GRID1: variants seen among roughly 807,000 people sequenced by gnomAD.
GRID1 encodes glutamate receptor ionotropic, delta-1.
GRID1 carries 28 observed loss-of-function variants against 98.0 expected under a neutral mutation model. The observed-to-expected ratio is 0.29, with a 90% confidence interval of 0.21 to 0.39. GRID1 has a LOEUF of 0.39. GRID1 is among the 10% of genes least tolerant of loss of function. The pLI, the probability that GRID1 is intolerant of heterozygous loss-of-function variation, is 1.00. For synonymous variants in GRID1, 553 were observed against 538.5 expected (o/e 1.03, Z -0.37); for missense variants, 1,111 against 1,340.5 (o/e 0.83, Z 2.67).
intron 4 of GRID1, among the ~76,000 whole-genome samples, chr10:86,077,287 C>T (rs1843896453): frequency 6.6e-6 from 1 of 152,162 alleles, no homozygotes; most frequent in East Asian, 1.9e-4. Context: ...CTCCAAATCA[C>T]CTACAGAATA....
chr10:85,844,287 G>C (rs1842986338), intron 8 of GRID1, among the ~76,000 whole-genome samples: 1 of 151,982 alleles, frequency 6.6e-6, no homozygotes, highest in Non-Finnish European at 1.5e-5. Context: ...AGGGCAGGGA[G>C]GTATGAGTTA....
chr10:86,209,824 G>A (rs977738449), intron 2 of GRID1, among the ~76,000 whole-genome samples: 1 of 152,142 alleles, frequency 6.6e-6, no homozygotes, highest in Admixed American at 6.5e-5. Context: ...CCACCTGCCT[G>A]GCTCCCTCCC....
intron 3 of GRID1, among the ~76,000 whole-genome samples, chr10:86,174,706 C>G (rs905618909): frequency 6.7e-6 from 1 of 149,704 alleles, no homozygotes; most frequent in African/African-American, 2.5e-5. Context: ...GAACAGGCAA[C>G]CTACAGAATG....
chr10:85,664,782 T>C (rs1841001739), intron 12 of GRID1, among the ~76,000 whole-genome samples: 1 of 152,078 alleles, frequency 6.6e-6, no homozygotes, highest in African/African-American at 2.4e-5. Context: ...TTTTATTGAG[T>C]GATGTATGTT....
At chr10:85,647,781 T>G (rs1313324945) in intron 12 of GRID1, 1 of 166,926 alleles carries the variant, frequency 6.0e-6, no homozygotes. Context: ...CATGGGAGGC[T>G]GTATGCTGCG....
intron 5 of GRID1, among the ~76,000 whole-genome samples, chr10:85,909,797 C>T (rs1041627906): frequency 1.1e-4 from 16 of 152,106 alleles, no homozygotes; most frequent in Non-Finnish European, 2.9e-5. Context: ...CATGAGGGCA[C>T]TTTTGGGGTG....
At chr10:86,009,224 G>GT (rs1177919262) in intron 4 of GRID1, among the ~76,000 whole-genome samples, 8 of 152,128 alleles carry the variant, frequency 5.3e-5, no homozygotes, top group Non-Finnish European at 8.8e-5. Context: ...TGCAAGAAGC[G>GT]TAAGTGTTTG....
intron 2 of GRID1, among the ~76,000 whole-genome samples, chr10:86,290,538 A>G (rs1847497378): frequency 6.6e-6 from 1 of 152,064 alleles, no homozygotes; most frequent in Non-Finnish European, 1.5e-5. Flanking sequence ...CTATATTCCC[A>G]CCTACTCAGG....
chr10:85,912,489 C>T (rs996503077), intron 5 of GRID1, among the ~76,000 whole-genome samples: 2 of 151,170 alleles, frequency 1.3e-5, no homozygotes, highest in Middle Eastern at 3.4e-3. Flanking sequence ...CAAATAAAAA[C>T]GTGTGCCCTC....
chr10:86,314,097 A>G (rs1309607263), intron 2 of GRID1, among the ~76,000 whole-genome samples: 1 of 152,166 alleles, frequency 6.6e-6, no homozygotes, highest in Non-Finnish European at 1.5e-5. Flanking sequence ...TTTCTTTGTT[A>G]AGGGCAGATC....
chr10:86,244,603 C>T (rs1012406412), intron 2 of GRID1, among the ~76,000 whole-genome samples: 3 of 152,250 alleles, frequency 2.0e-5, no homozygotes, highest in Non-Finnish European at 4.4e-5. Context: ...GGAGCACAGC[C>T]AGTCAGCCCC....
At chr10:86,339,274 G>GGGA (rs376965682) in intron 2 of GRID1, among the ~76,000 whole-genome samples, 4 of 152,192 alleles carry the variant, frequency 2.6e-5, no homozygotes, top group African/African-American at 7.2e-5. Context: ...GGGAAGGCAG[G>GGGA]GGAGGAGGAG....
chr10:85,659,433 C>T (rs913170014), intron 12 of GRID1, among the ~76,000 whole-genome samples: 1 of 152,206 alleles, frequency 6.6e-6, no homozygotes, highest in Admixed American at 6.5e-5. Flanking sequence ...CCAACCAAAG[C>T]AGCTGGTGAA....
intron 4 of GRID1, among the ~76,000 whole-genome samples, chr10:86,039,700 C>A (rs895612502): frequency 1.3e-5 from 2 of 152,150 alleles, no homozygotes; most frequent in Non-Finnish European, 2.9e-5. Context: ...ATCTACAGAC[C>A]AACTGTCTCA....
chr10:86,153,054 T>C (rs1301246814), intron 3 of GRID1, among the ~76,000 whole-genome samples: 4 of 152,196 alleles, frequency 2.6e-5, no homozygotes, highest in African/African-American at 4.8e-5. Flanking sequence ...CCACCCCTCA[T>C]TGTGGGCCTC....
chr10:86,178,372 A>G (rs572992972), intron 3 of GRID1, among the ~76,000 whole-genome samples: 34 of 151,862 alleles, frequency 2.2e-4, no homozygotes, highest in African/African-American at 6.6e-4. Flanking sequence ...GAGGGAGGAC[A>G]GGGGGAGAAG....
chr10:85,682,268 G>GA (rs1337384776), intron 12 of GRID1, among the ~76,000 whole-genome samples: 4 of 152,056 alleles, frequency 2.6e-5, no homozygotes, highest in Non-Finnish European at 5.9e-5. Context: ...CAGTGAAATG[G>GA]AAAAAAATGC....
intron 2 of GRID1, among the ~76,000 whole-genome samples, chr10:86,230,143 C>T (rs1343602112): frequency 1.3e-5 from 2 of 152,238 alleles, no homozygotes; most frequent in Non-Finnish European, 2.9e-5. Context: ...AGCAGCCCAC[C>T]ACGAGCCCAA....
chr10:86,211,517 C>T (rs1258414220), intron 2 of GRID1, among the ~76,000 whole-genome samples: 4 of 152,206 alleles, frequency 2.6e-5, no homozygotes, highest in Non-Finnish European at 5.9e-5. Flanking sequence ...ACAGCATTCG[C>T]AATACAACTG....
Sources: allele counts gnomAD v4.1 joint callset (sites outside exome capture counted in the v4.1 genomes callset), GRCh38; gene constraint gnomAD v4.1.1; transcripts MANE v1.5; gene names NCBI Gene and HGNC (gene_info 2026-07-23, HGNC 2026-07-21).